Variants in ZMYND11 observed in about 807,000 individuals in gnomAD.
ZMYND11 encodes the protein zinc finger MYND domain-containing protein 11.
Under a neutral mutation model 84.9 loss-of-function variants are expected in ZMYND11, and 9 were observed. That is an observed-to-expected ratio of 0.11 (90% CI 0.06 to 0.18). ZMYND11 has a LOEUF of 0.18. Among genes scored for constraint, ZMYND11 ranks in the 10% least tolerant of loss-of-function variants. The pLI, the probability that ZMYND11 is intolerant of heterozygous loss-of-function variation, is 1.00. For missense variants in ZMYND11, 409 were observed against 761.0 expected (o/e 0.54, Z 5.44); for synonymous variants, 250 against 244.1 (o/e 1.02, Z -0.23).
intron 1 of ZMYND11, among the ~76,000 whole-genome samples, chr10:144,561 T>C (rs1331765785): frequency 6.6e-6 from 1 of 151,438 alleles, no homozygotes; most frequent in Non-Finnish European, 1.5e-5. Context: ...TAGATGACAG[T>C]GTTACACAAC....
At chr10:134,661 CT>C (rs1372649247), upstream of ZMYND11, 1 of 152,248 alleles carries the variant, frequency 6.6e-6, no homozygotes, top group Non-Finnish European at 1.5e-5. Context: ...TCAGACTTCG[CT>C]GTTCCGGACC....
At chr10:249,349 C>A (rs901020396) in intron 14 of ZMYND11, 12 of 1,212,000 alleles carry the variant, frequency 9.9e-6, no homozygotes, top group Middle Eastern at 3.3e-4. Flanking sequence ...TTACAATTAA[C>A]TTATATAATT....
upstream of ZMYND11, among the ~76,000 whole-genome samples, chr10:131,816 C>T (rs1175897523): frequency 1.3e-5 from 2 of 152,172 alleles, no homozygotes; most frequent in African/African-American, 4.8e-5. Context: ...ATGTGAGCCA[C>T]TATTCCTGGC....
Position 170,422 on chromosome 10 carries a change from TTATG to T in ZMYND11, c.-19-9570_-19-9567del, listed in dbSNP as rs1277233302. On this transcript the variant is annotated intron_variant, in intron 1 of 14. Coordinates refer to ENST00000381604, the MANE Select transcript of ZMYND11 (RefSeq NM_001370100.5). ...ACAATAATAGTAACTGTGTATTTGA[TTATG>T]TGTGCGTGTGTGTGTGTGTGTGTGT... 2.9e-4 allele frequency among the ~76,000 whole-genome samples: 25 copies of T among 85,188 alleles called. No individual in the cohort carries two copies. The East Asian group carries it at 6.1e-3, about 21-fold the overall frequency. The allele number at this position is 85,188 out of a possible 152,430, so 55.9% of individuals were successfully genotyped here.
rs1215791456 is a variant in ZMYND11, at chr10:252,251, A to G, written c.1687-97A>G. The G allele has an allele frequency of 6.3e-6, 9 of 1,420,458 alleles. No individual in the cohort carries two copies. Among genetic ancestry groups the G allele is most frequent in the South Asian group, 1.3e-5 (1 of 75,868 alleles). 88.0% of individuals were successfully genotyped at this position (1,420,458 alleles called of 1,614,324 possible). A position where few individuals can be genotyped will look rare whatever the true frequency, so the allele number is the denominator to read the frequency against. Reference sequence around the variant, plus strand: ...TTCCACAAAAGGTTGAGCCAGAAAGATCTTTTAAAAGCACCACCTCAAGAG... The same window carrying G: ...TTCCACAAAAGGTTGAGCCAGAAAGGTCTTTTAAAAGCACCACCTCAAGAG... On this transcript the variant is annotated intron_variant, in intron 14 of 14. Coordinates refer to ENST00000381604, the MANE Select transcript of ZMYND11 (RefSeq NM_001370100.5). The surrounding 1 kb of genome is among the most constrained non-coding windows in gnomAD (Gnocchi z 4.6).
intron 2 of ZMYND11, among the ~76,000 whole-genome samples, chr10:205,542 TAGTC>T (rs1943968366): frequency 2.0e-5 from 3 of 151,432 alleles, no homozygotes; most frequent in Admixed American, 6.6e-5. Flanking sequence ...ATTAAAAAGT[TAGTC>T]AGGTGTAGTG....
chr10:193,505 G>C (rs145483680), intron 2 of ZMYND11, among the ~76,000 whole-genome samples: 2 of 152,194 alleles, frequency 1.3e-5, no homozygotes, highest in African/African-American at 4.8e-5. Context: ...AATGATATTT[G>C]TTGAGTGCTA....
At chr10:153,712 G>A (rs78823078) in intron 1 of ZMYND11, among the ~76,000 whole-genome samples, 1 of 152,176 alleles carries the variant, frequency 6.6e-6, no homozygotes, top group South Asian at 2.1e-4. Flanking sequence ...TGTCCTAGGG[G>A]AAATAGAGTT....
chr10:238,756 G>C (rs1305690822), intron 6 of ZMYND11, among the ~76,000 whole-genome samples: 2 of 152,038 alleles, frequency 1.3e-5, no homozygotes, highest in Non-Finnish European at 2.9e-5. Context: ...GTAAATCCTG[G>C]AACAAAACCA....
chr10:210,121 T>C (rs1456655200), intron 3 of ZMYND11, 73 bp downstream of exon 3: 1 of 1,486,062 alleles, frequency 6.7e-7, no homozygotes, highest in Non-Finnish European at 9.2e-7. Flanking sequence ...ATACAACCTA[T>C]AGAAAATCAT....
At chr10:179,388 C>T (rs1358283758) in intron 1 of ZMYND11, among the ~76,000 whole-genome samples, 1 of 151,906 alleles carries the variant, frequency 6.6e-6, no homozygotes, top group African/African-American at 2.4e-5. Context: ...TAATAAATAC[C>T]CCCAAAACTT....
intron 1 of ZMYND11, among the ~76,000 whole-genome samples, chr10:139,492 G>T (rs1022098368): frequency 6.6e-6 from 1 of 152,116 alleles, no homozygotes; most frequent in Non-Finnish European, 1.5e-5. Flanking sequence ...ACAGTGATTT[G>T]TGCAGATGTT....
rs1272267013 is a variant in ZMYND11 at position 179,651 on chromosome 10, G to A, written c.-19-343G>A. Among the ~76,000 whole-genome samples the A allele has an allele frequency of 4.6e-5, 7 of 152,056 alleles. No individual in the cohort carries two copies. The East Asian group carries it at 9.6e-4, about 21-fold the overall frequency. ...GTATTGATCAAATTACAAACAACGCGATGTCAACAAATGAAGTTTTATCTT... is the reference window on the plus strand; with the variant it reads ...GTATTGATCAAATTACAAACAACGCAATGTCAACAAATGAAGTTTTATCTT... On this transcript the variant is annotated intron_variant, in intron 1 of 14. Coordinates refer to ENST00000381604, the MANE Select transcript of ZMYND11 (RefSeq NM_001370100.5).
chr10:159,286 T>C (rs553259711), intron 1 of ZMYND11, among the ~76,000 whole-genome samples: 1 of 152,162 alleles, frequency 6.6e-6, no homozygotes, highest in South Asian at 2.1e-4. Flanking sequence ...AAAGAGTAAA[T>C]GTATATGTAA....
At chr10:138,961 A>G (rs1395284742) in intron 1 of ZMYND11, among the ~76,000 whole-genome samples, 1 of 152,016 alleles carries the variant, frequency 6.6e-6, no homozygotes, top group Non-Finnish European at 1.5e-5. Context: ...CTCCTGCTTC[A>G]GCCTGGGATT....
intron 4 of ZMYND11, among the ~76,000 whole-genome samples, chr10:230,083 T>C (rs1388924147): frequency 6.6e-6 from 1 of 152,184 alleles, no homozygotes; most frequent in Non-Finnish European, 1.5e-5. Context: ...AGCTGTTTAA[T>C]CCCTAAAACG....
At chr10:164,360 G>A (rs1843538526) in intron 1 of ZMYND11, among the ~76,000 whole-genome samples, 1 of 152,016 alleles carries the variant, frequency 6.6e-6, no homozygotes, top group Admixed American at 6.6e-5. Flanking sequence ...GGATAGGCAG[G>A]GTTGGTTAGG....
intron 2 of ZMYND11, among the ~76,000 whole-genome samples, chr10:186,642 CAAAAAAAAAA>C (rs56345833): frequency 3.2e-5 from 3 of 95,156 alleles, no homozygotes; most frequent in African/African-American, 1.2e-4. Context: ...AGGACTCTCT[CAAAAAAAAAA>C]AAAAAAAAAA....
intron 12 of ZMYND11, among the ~76,000 whole-genome samples, chr10:248,037 GTTTAT>G (rs1431492457): frequency 2.6e-5 from 4 of 151,896 alleles, no homozygotes; most frequent in Admixed American, 6.6e-5. Flanking sequence ...TCTGTGTTTA[GTTTAT>G]TTTAAAAACA....
Sources: gnomAD v4.1 joint callset for allele counts (sites outside exome capture counted in the v4.1 genomes callset) on GRCh38, gnomAD v4.1.1 for gene constraint, Gnocchi (gnomAD v3.1) non-coding constraint, MANE v1.5 for transcripts, NCBI Gene and HGNC (gene_info 2026-07-23, HGNC 2026-07-21) for gene names.